The following MACROD2 variants were observed in gnomAD, a reference collection of about 807,000 sequenced individuals.
MACROD2 encodes ADP-ribose glycohydrolase MACROD2.
A neutral mutation model predicts 70.4 loss-of-function variants in MACROD2; 36 were observed. That is an observed-to-expected ratio of 0.51 (90% CI 0.39 to 0.68). The LOEUF (loss-of-function observed/expected upper bound fraction) is 0.68, where lower values mean the gene tolerates loss of function less well. MACROD2 is among the 30% of genes least tolerant of loss of function. The pLI, the probability that MACROD2 is intolerant of heterozygous loss-of-function variation, is 0.00. For synonymous variants in MACROD2, 172 were observed against 178.8 expected, an observed-to-expected ratio of 0.96 and a Z score of 0.30; for missense variants, 496 against 538.4, an observed-to-expected ratio of 0.92 and a Z score of 0.78.
intron 3 of MACROD2, among the ~76,000 whole-genome samples, chr20:14,470,912 C>A (rs756402614): frequency 7.2e-5 from 11 of 152,208 alleles, no homozygotes; most frequent in Middle Eastern, 3.4e-3. Context: ...TGGCTTCAGC[C>A]CCCTTTCCAG....
At chr20:15,200,185 A>C (rs2145927189) in intron 5 of MACROD2, among the ~76,000 whole-genome samples, 2 of 152,336 alleles carry the variant, frequency 1.3e-5, no homozygotes, top group South Asian at 4.1e-4. Context: ...GAAGAAAAAA[A>C]CTGGAGTAAA....
At chr20:15,757,782 C>G (rs1329343797) in intron 8 of MACROD2, among the ~76,000 whole-genome samples, 1 of 152,156 alleles carries the variant, frequency 6.6e-6, no homozygotes, top group Non-Finnish European at 1.5e-5. Flanking sequence ...ACTCTTACCT[C>G]TCTTCCTCTT....
intron 5 of MACROD2, among the ~76,000 whole-genome samples, chr20:14,786,267 G>A (rs1208501135): frequency 6.7e-6 from 1 of 149,656 alleles, no homozygotes; most frequent in Non-Finnish European, 1.5e-5. Flanking sequence ...ACATTTTCTT[G>A]AGAACTGAAA....
chr20:14,988,588 G>A (rs575598915), intron 5 of MACROD2, among the ~76,000 whole-genome samples: 1 of 152,234 alleles, frequency 6.6e-6, no homozygotes, highest in South Asian at 2.1e-4. Context: ...TGCTTCATAT[G>A]TTTGCCTCTG....
chr20:14,132,690 TGCAGTG>T (rs2054733301), intron 3 of MACROD2, among the ~76,000 whole-genome samples: 1 of 152,072 alleles, frequency 6.6e-6, no homozygotes, highest in Admixed American at 6.5e-5. Context: ...CAGGCTGGAG[TGCAGTG>T]GCTCAATCTT....
At chr20:15,045,059 C>G (rs2075382712) in intron 5 of MACROD2, among the ~76,000 whole-genome samples, 1 of 152,088 alleles carries the variant, frequency 6.6e-6, no homozygotes, top group African/African-American at 2.4e-5. Flanking sequence ...TACATCACAA[C>G]CTTTTAACAC....
At chr20:14,617,207 C>T (rs1414835238) in intron 4 of MACROD2, among the ~76,000 whole-genome samples, 1 of 152,114 alleles carries the variant, frequency 6.6e-6, no homozygotes, top group East Asian at 1.9e-4. Flanking sequence ...GCTTGTTTCT[C>T]TCTTTCTCGC....
intron 5 of MACROD2, among the ~76,000 whole-genome samples, chr20:15,184,666 C>T (rs574750197): frequency 1.3e-4 from 20 of 152,288 alleles, no homozygotes; most frequent in Admixed American, 2.0e-4. Flanking sequence ...CTTTCATCAA[C>T]ATTGGCCAGC....
chr20:14,373,625 A>T (rs1172671158), intron 3 of MACROD2, among the ~76,000 whole-genome samples: 1 of 152,162 alleles, frequency 6.6e-6, no homozygotes, highest in African/African-American at 2.4e-5. Flanking sequence ...ATACCCTTAA[A>T]GTAATGCCTC....
At chr20:14,513,160 T>C (rs928871406) in intron 4 of MACROD2, among the ~76,000 whole-genome samples, 37 of 152,136 alleles carry the variant, frequency 2.4e-4, no homozygotes, top group African/African-American at 5.8e-4. Flanking sequence ...GACTGTAAGC[T>C]TTTCATCATT....
chr20:15,301,591 CTTTTT>C (rs71340214), intron 6 of MACROD2, among the ~76,000 whole-genome samples: 96 of 81,252 alleles, frequency 1.2e-3, no homozygotes, highest in African/African-American at 3.8e-3. Context: ...GGTAGGTGGC[CTTTTT>C]TTTTTTTTTT....
intron 3 of MACROD2, among the ~76,000 whole-genome samples, chr20:14,318,873 C>T (rs948707956): frequency 6.6e-6 from 1 of 152,126 alleles, no homozygotes; most frequent in African/African-American, 2.4e-5. Context: ...TCCAATTTCC[C>T]ATGTGATTGG....
chr20:15,217,075 C>T (rs958416308), intron 5 of MACROD2, among the ~76,000 whole-genome samples: 2 of 152,002 alleles, frequency 1.3e-5, no homozygotes, highest in African/African-American at 4.8e-5. Context: ...CCCGCAACAA[C>T]AAAAAATGAG....
chr20:15,192,946 A>G (rs151165893), intron 5 of MACROD2, among the ~76,000 whole-genome samples: 256 of 152,338 alleles, frequency 1.7e-3, no homozygotes, highest in African/African-American at 5.4e-3. Flanking sequence ...GTCAAAACAC[A>G]CTGCTAAGCT....
At chr20:15,679,274 A>G (rs2050126583) in intron 8 of MACROD2, among the ~76,000 whole-genome samples, 1 of 151,316 alleles carries the variant, frequency 6.6e-6, no homozygotes, top group African/African-American at 2.4e-5. Context: ...GAATCAGCTC[A>G]GACGAACTGG....
chr20:14,008,045 C>T (rs934652613), intron 2 of MACROD2, among the ~76,000 whole-genome samples: 1 of 151,996 alleles, frequency 6.6e-6, no homozygotes, highest in Non-Finnish European at 1.5e-5. Flanking sequence ...GGAAGCATTC[C>T]CCTTGAAAAC....
intron 9 of MACROD2, among the ~76,000 whole-genome samples, chr20:15,869,250 G>T (rs1356467997): frequency 6.8e-4 from 79 of 116,480 alleles, no homozygotes; most frequent in Middle Eastern, 4.6e-3. Context: ...GAGAGAGAGA[G>T]AGAGAGAGAG....
intron 6 of MACROD2, among the ~76,000 whole-genome samples, chr20:15,423,022 A>G (rs949265188): frequency 6.6e-6 from 1 of 152,218 alleles, no homozygotes; most frequent in South Asian, 2.1e-4. Context: ...TTTTCAAAGG[A>G]AACTTTGTAT....
At chr20:14,218,735 G>A (rs1302484843) in intron 3 of MACROD2, among the ~76,000 whole-genome samples, 1 of 152,148 alleles carries the variant, frequency 6.6e-6, no homozygotes, top group Non-Finnish European at 1.5e-5. Flanking sequence ...CTTGGTAATG[G>A]CAAATTCTCT....
Sources: allele counts gnomAD v4.1 joint callset (sites outside exome capture counted in the v4.1 genomes callset), GRCh38; gene constraint gnomAD v4.1.1; transcripts MANE v1.5; gene names NCBI Gene and HGNC (gene_info 2026-07-23, HGNC 2026-07-21).